TCOF1: variants seen among roughly 807,000 people sequenced by gnomAD.
The protein encoded by TCOF1 is treacle ribosome biogenesis factor 1.
A neutral mutation model predicts 149.0 loss-of-function variants in TCOF1; 33 were observed. The ratio of observed to expected loss-of-function variants is 0.22; its 90% CI spans 0.17 to 0.30. TCOF1 has a LOEUF of 0.30. Among genes scored for constraint, TCOF1 ranks in the 10% least tolerant of loss-of-function variants. The pLI, the probability that TCOF1 is intolerant of heterozygous loss-of-function variation, is 1.00. For missense variants in TCOF1, 1,728 were observed against 1,840.7 expected, an observed-to-expected ratio of 0.94 and a Z score of 1.12; for synonymous variants, 789 against 738.8, an observed-to-expected ratio of 1.07 and a Z score of -1.10.
At chr5:150,367,288 G>C (rs1310205590) in intron 3 of TCOF1, among the ~76,000 whole-genome samples, 1 of 152,208 alleles carries the variant, frequency 6.6e-6, no homozygotes, top group African/African-American at 2.4e-5. Context: ...CTGGGCGACA[G>C]AGCAGGACTC....
In TCOF1 at chr5:150,392,717, C is replaced by G. The variant is rs1136103; in HGVS notation, c.3530C>G (p.Pro1177Arg). Residue 1177 changes from proline to arginine, a missense_variant, in exon 22 of 27, where the codon CCC becomes CGC. Coordinates refer to ENST00000643257, the MANE Select transcript of TCOF1 (RefSeq NM_001371623.1). ...TGTGCTTCTCCAGTAGGTCCCACCC[C>G]CTCCAGGACAGAGACCCTGGTGGAG... ...KSAHTLVGPT[P>R]SRTETLVEET... 0.2 allele frequency: 325,539 copies of G among 1,613,690 alleles called. 36,460 individuals carry two copies. Among genetic ancestry groups the G allele is most frequent in the Non-Finnish European group, 0.23 (272,815 of 1,179,778 alleles).
intron 14 of TCOF1, 157 bp from the exon 15 acceptor site, chr5:150,378,748 G>A: frequency 1.0e-6 from 1 of 990,288 alleles, no homozygotes; most frequent in Non-Finnish European, 1.6e-6. Context: ...ACTGAACTGA[G>A]GCCCAGTGAG....
At chr5:150,397,331 C>G (rs2151117049) in intron 24 of TCOF1, among the ~76,000 whole-genome samples, 1 of 152,160 alleles carries the variant, frequency 6.6e-6, no homozygotes, top group East Asian at 1.9e-4. Flanking sequence ...CTTGGAGGAA[C>G]CTGCTTCTCC....
In TCOF1 at chr5:150,378,980, A is replaced by G. The variant is rs747928276; in HGVS notation, c.2416A>G (p.Ile806Val). Reference sequence around the variant, plus strand: ...CAGAGCACCTTCAGCAAAAGGGACAATTTCAGCCCCTGGAAAAGTTGTCAC... The same window carrying G: ...CAGAGCACCTTCAGCAAAAGGGACAGTTTCAGCCCCTGGAAAAGTTGTCAC... ...AARAPSAKGT[I>V]SAPGKVVTAA... Residue 806 changes from isoleucine (I) to valine (V), a missense_variant, in exon 15 of 27, where the codon ATT becomes GTT. Ile to Val is a conservative substitution (Grantham distance 29). Coordinates refer to ENST00000643257, the MANE Select transcript of TCOF1 (RefSeq NM_001371623.1). 2 of 1,614,116 alleles carry G rather than the reference A, an allele frequency of 1.2e-6. No homozygotes were observed. The highest frequency in any genetic ancestry group is 1.7e-6 in the Non-Finnish European group (2 of 1,180,010).
At position 150,376,529 on chromosome 5, in the gene TCOF1, C is replaced by G; in HGVS notation, c.2249C>G (p.Thr750Arg). 1.9e-6 allele frequency: 3 copies of G among 1,611,074 alleles called. No homozygotes were observed. Among genetic ancestry groups the G allele is most frequent in the Non-Finnish European group, 2.5e-6 (3 of 1,178,544 alleles). ...APVLPGKTGP[T>R]VTQVKAEKQE... is the part of the protein sequence containing the mutation. ...GTACTCCCTGGGAAGACGGGGCCTACAGTCACCCAGGTGAAAGCTGAAAAG... is the reference window on the plus strand; with the variant it reads ...GTACTCCCTGGGAAGACGGGGCCTAGAGTCACCCAGGTGAAAGCTGAAAAG... The change falls in exon 14 of 27, where the codon ACA becomes AGA. Residue 750 changes from threonine (T) to arginine (R), a missense_variant. Thr to Arg is a moderately conservative substitution (Grantham distance 71, BLOSUM62 -1). Transcript: ENST00000643257.
chr5:150,393,296 A>G, intron 22 of TCOF1, 76 bp from the exon 23 acceptor site: 2 of 1,591,174 alleles, frequency 1.3e-6, no homozygotes, highest in South Asian at 1.1e-5. Context: ...CTTTCCTCAC[A>G]GCAGGCCATG....
chr5:150,360,804 A>G (rs933389561), intron 1 of TCOF1, among the ~76,000 whole-genome samples: 1 of 149,238 alleles, frequency 6.7e-6, no homozygotes, highest in African/African-American at 2.5e-5. Flanking sequence ...TGGCACAAGC[A>G]TGGCTCACTG....
At chr5:150,373,935 A>C (rs1763109594) in intron 7 of TCOF1, among the ~76,000 whole-genome samples, 1 of 152,158 alleles carries the variant, frequency 6.6e-6, no homozygotes, top group Non-Finnish European at 1.5e-5. Flanking sequence ...CAGAGGAGGC[A>C]GTGGCTAAGT....
chr5:150,370,818 T>A (rs142025174), intron 6 of TCOF1, among the ~76,000 whole-genome samples: 18 of 152,192 alleles, frequency 1.2e-4, no homozygotes, highest in Middle Eastern at 3.4e-3. Flanking sequence ...TGTTATTTTT[T>A]AAAAAAACAA....
chr5:150,393,764 A>C (rs1354429113), intron 23 of TCOF1: 1 of 652,702 alleles, frequency 1.5e-6, no homozygotes, highest in Non-Finnish European at 2.6e-6. Flanking sequence ...CCATAATCCC[A>C]GCACTTTGGG....
chr5:150,374,069 G>C, intron 7 of TCOF1, 105 bp from the exon 8 acceptor site: 2 of 1,251,564 alleles, frequency 1.6e-6, no homozygotes, highest in South Asian at 1.3e-5. Context: ...GAGGGAAGCA[G>C]GGGAGGTCTT....
chr5:150,357,972 C>A, intron 1 of TCOF1, 118 bp downstream of exon 1: 2 of 995,884 alleles, frequency 2.0e-6, no homozygotes, highest in Non-Finnish European at 1.4e-6. Context: ...TCCCGCAGTG[C>A]TCGACGGCGC....
rs755920575 is a variant in TCOF1 at position 150,388,086 on chromosome 5, C to T, written c.3044C>T (p.Pro1015Leu). 5 of 1,613,182 alleles carry T rather than the reference C, an allele frequency of 3.1e-6. No homozygotes were observed. Among genetic ancestry groups the T allele is most frequent in the African/African-American group, 1.3e-5 (1 of 74,906 alleles). The change falls in exon 18 of 27, where the codon CCT (proline) becomes CTT (leucine). Residue 1015 changes from proline to leucine, a missense_variant and splice_region_variant. Physicochemically the swap from Pro to Leu is moderately conservative, Grantham distance 98 (BLOSUM62 -3). Coordinates refer to ENST00000643257, the MANE Select transcript of TCOF1 (RefSeq NM_001371623.1). The stretch of plus-strand genomic sequence containing the variant: ...ATCCCCGCTACACAGTGCTTGACTC[C>T]TGGTGAGCGCAGCCCTTATGCAGTG... ...DVIPATQCLT[P>L]GIRTNVVTMP...
intron 1 of TCOF1, among the ~76,000 whole-genome samples, chr5:150,359,270 C>T (rs1759441388): frequency 6.6e-6 from 1 of 151,266 alleles, no homozygotes; most frequent in South Asian, 2.1e-4. Flanking sequence ...TCACTTGAAC[C>T]CAGGAGGCAG....
At chr5:150,379,501 C>T in intron 16 of TCOF1, 31 bp from the exon 17 acceptor site, 1 of 1,613,314 alleles carries the variant, frequency 6.2e-7, no homozygotes, top group Non-Finnish European at 8.5e-7. Context: ...ACCCTCCAGG[C>T]TCTCTCCTCT....
chr5:150,397,920 C>A (rs1001784999), intron 24 of TCOF1, among the ~76,000 whole-genome samples: 1 of 152,062 alleles, frequency 6.6e-6, no homozygotes, highest in Non-Finnish European at 1.5e-5. Flanking sequence ...CAGCTGCCAG[C>A]CTGTTTTATT....
intron 6 of TCOF1, among the ~76,000 whole-genome samples, chr5:150,371,089 G>A (rs1426567977): frequency 6.6e-6 from 1 of 152,174 alleles, no homozygotes; most frequent in Admixed American, 6.5e-5. Context: ...TAAGAGGCTG[G>A]GGGCTGGGAG....
In TCOF1 at chr5:150,372,109, T is replaced by A; in HGVS notation, c.743T>A (p.Val248Glu). ...AAPAPGKVGD[V>E]TPQVKGGALP... is the part of the protein sequence containing the mutation. ...CCAGCCCCTGGGAAGGTGGGGGATGTGACACCCCAGGTCAAAGGAGGGGCC... is the reference window on the plus strand; with the variant it reads ...CCAGCCCCTGGGAAGGTGGGGGATGAGACACCCCAGGTCAAAGGAGGGGCC... Residue 248 changes from valine (V) to glutamate (E), a missense_variant, in exon 7 of 27, where the codon GTG becomes GAG. Val to Glu is a moderately radical substitution (Grantham distance 121, BLOSUM62 -2). Coordinates refer to ENST00000643257, the MANE Select transcript of TCOF1 (RefSeq NM_001371623.1). 1 of 1,614,134 alleles carries A rather than the reference T, an allele frequency of 6.2e-7. No individual in the cohort carries two copies. Among genetic ancestry groups the A allele is most frequent in the Non-Finnish European group, 8.5e-7 (1 of 1,180,018 alleles).
chr5:150,387,091 CA>C (rs1766451855), intron 17 of TCOF1, among the ~76,000 whole-genome samples: 1 of 152,228 alleles, frequency 6.6e-6, no homozygotes, highest in Admixed American at 6.5e-5. Context: ...CAGTCTCAGA[CA>C]TGTCAGCTCA....
Sources: gnomAD v4.1 joint callset for allele counts (sites outside exome capture counted in the v4.1 genomes callset) on GRCh38, gnomAD v4.1.1 for gene constraint, MANE v1.5 for transcripts, NCBI Gene and HGNC (gene_info 2026-07-23, HGNC 2026-07-21) for gene names.